SMC5: variants seen among roughly 807,000 people sequenced by gnomAD.
SMC5 encodes structural maintenance of chromosomes 5.
SMC5 carries 88 observed loss-of-function variants against 148.3 expected under a neutral mutation model. The ratio of observed to expected loss-of-function variants is 0.59; its 90% CI spans 0.50 to 0.71. The LOEUF (loss-of-function observed/expected upper bound fraction) is 0.71. Ranked by LOEUF, SMC5 falls within the 30% of genes least tolerant of loss-of-function variation. The probability of loss-of-function intolerance (pLI) is 0.00; values close to 1 mark genes in which losing one functional copy is unlikely to be tolerated. For missense variants in SMC5, 1,142 were observed against 1,298.9 expected, an observed-to-expected ratio of 0.88 and a Z score of 1.86; for synonymous variants, 421 against 432.8, an observed-to-expected ratio of 0.97 and a Z score of 0.34.
At chr9:70,276,267 T>G (rs1336676734) in intron 3 of SMC5, among the ~76,000 whole-genome samples, 1 of 152,198 alleles carries the variant, frequency 6.6e-6, no homozygotes, top group Non-Finnish European at 1.5e-5. Context: ...GTTTTTGTCC[T>G]TTACCAGCAG....
intron 1 of SMC5, among the ~76,000 whole-genome samples, chr9:70,259,972 C>T (rs2034056121): frequency 6.7e-6 from 1 of 148,532 alleles, no homozygotes; most frequent in Non-Finnish European, 1.5e-5. Flanking sequence ...CGGAGTTGCG[C>T]TCCTGTAGCC....
At chr9:70,335,208 A>G (rs1239915163) in intron 17 of SMC5, among the ~76,000 whole-genome samples, 1 of 152,208 alleles carries the variant, frequency 6.6e-6, no homozygotes, top group Non-Finnish European at 1.5e-5. Context: ...AACTGGAAAC[A>G]AGGCTGAGGG....
chr9:70,346,987 C>A, intron 19 of SMC5, 79 bp from the exon 20 acceptor site: 1 of 1,025,280 alleles, frequency 9.8e-7, no homozygotes, highest in Non-Finnish European at 1.5e-6. Flanking sequence ...ATAACTTATT[C>A]AGCAGATTAT....
chr9:70,347,875 A>G (rs765488646), intron 21 of SMC5, 44 bp from the exon 22 acceptor site: 3 of 1,536,388 alleles, frequency 2.0e-6, no homozygotes, highest in Admixed American at 4.0e-5. Context: ...AGAATATAGT[A>G]ATACTGCTTT....
At chr9:70,287,927 C>T (rs1451591361) in intron 8 of SMC5, among the ~76,000 whole-genome samples, 3 of 152,104 alleles carry the variant, frequency 2.0e-5, no homozygotes, top group Non-Finnish European at 4.4e-5. Flanking sequence ...CTATAATATA[C>T]TGCTAAATTT....
Position 70,300,108 on chromosome 9 carries a change from C to T in SMC5, c.1372C>T (p.Gln458Ter). 6.2e-7 allele frequency: 1 copy of T among 1,603,442 alleles called. No homozygotes were observed. Among genetic ancestry groups the T allele is most frequent in the East Asian group, 2.3e-5 (1 of 44,180 alleles). The change falls in exon 10 of 25, where the codon CAG (glutamine) becomes TAG (stop). Residue 458 changes from glutamine (Q) to a stop codon, truncating the protein, a stop_gained. Transcript: ENST00000361138. LOFTEE classifies it high-confidence loss of function. ...LMNQKEDKLR[Q>*]RFRDTYDAVL... ...GAATCAGAAGGAAGATAAGCTAAGACAGAGATTCCGTGACACGTATGATGC... is the reference window on the plus strand; with the variant it reads ...GAATCAGAAGGAAGATAAGCTAAGATAGAGATTCCGTGACACGTATGATGC...
In SMC5 at chr9:70,315,489, C is replaced by T. The variant is rs1429305720; in HGVS notation, c.1717C>T (p.Pro573Ser). ...TTATTTGAGAGAATTATTTGATGCA[C>T]CTGATCCTGTAATGAGTTACCTTTG... ...FSYLRELFDA[P>S]DPVMSYLCCQ... Residue 573 changes from proline to serine, a missense_variant, in exon 13 of 25, where the codon CCT (proline) becomes TCT (serine). Pro to Ser is a moderately conservative substitution (Grantham distance 74, BLOSUM62 -1). Transcript: ENST00000361138. 2.5e-6 allele frequency: 4 copies of T among 1,597,742 alleles called. No homozygotes were observed. The highest frequency in any genetic ancestry group is 4.5e-5 in the East Asian group (2 of 44,430).
Position 70,297,993 on chromosome 9 carries a change from G to C in SMC5, c.1081G>C (p.Val361Leu). The C allele has an allele frequency of 1.2e-6, 2 of 1,613,628 alleles. No individual in the cohort carries two copies. The highest frequency in any genetic ancestry group is 1.7e-6 in the Non-Finnish European group (2 of 1,179,868). Residue 361 changes from valine to leucine, a missense_variant, in exon 9 of 25, where the codon GTA (valine) becomes CTA (leucine). Val to Leu is a conservative substitution (Grantham distance 32). This residue lies in a region of SMC5 where 743 missense variants were observed against 835.7 expected (regional missense o/e 0.89). Coordinates refer to ENST00000361138, the MANE Select transcript of SMC5 (RefSeq NM_015110.4). ...TGAGGAACTTCAGCAGGCTTTAATA[G>C]TAAAGCAAAATGAAGAGCTTGACCG... ...HIEELQQALI[V>L]KQNEELDRQR...
intron 10 of SMC5, among the ~76,000 whole-genome samples, chr9:70,304,791 G>A (rs931955045): frequency 3.4e-5 from 5 of 145,392 alleles, no homozygotes; most frequent in African/African-American, 5.1e-5. Flanking sequence ...ATAAGCCATA[G>A]CAAGGTTTTT....
intron 18 of SMC5, among the ~76,000 whole-genome samples, chr9:70,345,895 G>A (rs2036654853): frequency 6.6e-6 from 1 of 152,182 alleles, no homozygotes. Context: ...ATGATGGCAT[G>A]AATTAGGGTG....
At chr9:70,262,420 CA>C (rs1299497343) in intron 1 of SMC5, among the ~76,000 whole-genome samples, 1 of 152,104 alleles carries the variant, frequency 6.6e-6, no homozygotes, top group African/African-American at 2.4e-5. Context: ...CTACCAGCAT[CA>C]CTTGGTGATT....
intron 17 of SMC5, among the ~76,000 whole-genome samples, chr9:70,325,581 C>T (rs1026228181): frequency 2.6e-5 from 4 of 152,168 alleles, no homozygotes; most frequent in Non-Finnish European, 4.4e-5. Flanking sequence ...CTAACTGATA[C>T]TCCTTTGCAG....
intron 2 of SMC5, among the ~76,000 whole-genome samples, chr9:70,267,717 C>G (rs920603784): frequency 6.6e-6 from 1 of 152,000 alleles, no homozygotes; most frequent in African/African-American, 2.4e-5. Context: ...ATAAATCTTA[C>G]CTAATATTAT....
chr9:70,297,336 C>T (rs1213019725), intron 8 of SMC5, among the ~76,000 whole-genome samples: 1 of 152,238 alleles, frequency 6.6e-6, no homozygotes, highest in Non-Finnish European at 1.5e-5. Flanking sequence ...GCATCACCAT[C>T]ATTCCTGACT....
intron 15 of SMC5, among the ~76,000 whole-genome samples, chr9:70,320,717 T>C (rs571356849): frequency 6.6e-6 from 1 of 152,188 alleles, no homozygotes. Context: ...AACTATATTA[T>C]GTACTTCCTA....
chr9:70,325,719 A>G (rs568318120), intron 17 of SMC5, among the ~76,000 whole-genome samples: 1 of 152,288 alleles, frequency 6.6e-6, no homozygotes, highest in Non-Finnish European at 1.5e-5. Flanking sequence ...AAGGGAGATA[A>G]TGCAAGTAAA....
Position 70,352,184 on chromosome 9 carries a change from C to A in SMC5, c.3166-7C>A, listed in dbSNP as rs1046553072. ...GCTTATATGACAATTTGTTTTAATA[C>A]TTACAGCTCCTGCAAAATCTTCCTT... On this transcript the variant is annotated splice_region_variant and splice_polypyrimidine_tract_variant and intron_variant, in intron 24 of 24. Transcript: ENST00000361138. 1 of 1,604,444 alleles carries A rather than the reference C, an allele frequency of 6.2e-7. No homozygotes were observed. The highest frequency in any genetic ancestry group is 1.3e-5 in the African/African-American group (1 of 74,212).
chr9:70,308,434 A>C (rs2035563483), intron 11 of SMC5, among the ~76,000 whole-genome samples: 1 of 151,534 alleles, frequency 6.6e-6, no homozygotes, highest in African/African-American at 2.4e-5. Flanking sequence ...TCTACTAAAA[A>C]TACAAAAAAT....
rs940406117 is a variant in SMC5 at position 70,353,573 on chromosome 9, T to A, written c.*1242T>A. 2 of 152,190 alleles carry A rather than the reference T, an allele frequency of 1.3e-5. No individual in the cohort carries two copies. Among genetic ancestry groups the A allele is most frequent in the Non-Finnish European group, 2.9e-5 (2 of 68,022 alleles). 9.4% of individuals were successfully genotyped at this position (152,190 alleles called of 1,614,324 possible). On this transcript the variant is annotated 3_prime_UTR_variant, in exon 25 of 25. Transcript: ENST00000361138. ...TTGCCTGAATAAATTGAAGAATTGCTTTCAGTTTGGGTTTTGTATATTCTT... is the reference window on the plus strand; with the variant it reads ...TTGCCTGAATAAATTGAAGAATTGCATTCAGTTTGGGTTTTGTATATTCTT...
Sources: allele counts gnomAD v4.1 joint callset (sites outside exome capture counted in the v4.1 genomes callset), GRCh38; gene constraint gnomAD v4.1.1; regional missense constraint gnomAD v4.1.1; transcripts MANE v1.5; gene names NCBI Gene and HGNC (gene_info 2026-07-23, HGNC 2026-07-21).